The following CCDC39 variants were observed in gnomAD, a reference collection of about 807,000 sequenced individuals.
The protein encoded by CCDC39 is coiled-coil domain 39 molecular ruler complex subunit.
In CCDC39, 113 loss-of-function variants were observed where a neutral mutation model predicts 121.0. That is an observed-to-expected ratio of 0.93 (90% CI 0.80 to 1.09). The LOEUF (loss-of-function observed/expected upper bound fraction) is 1.09. Ranked by LOEUF, CCDC39 falls within the 50% of genes least tolerant of loss-of-function variation. CCDC39 has a pLI of 0.00. For missense variants in CCDC39, 1,063 were observed against 1,074.7 expected (o/e 0.99, Z 0.15); for synonymous variants, 349 against 352.2 (o/e 0.99, Z 0.10).
rs2292896 is a variant in CCDC39 at position 180,679,186 on chromosome 3, G to A, written c.90+105C>T. On this transcript the variant is annotated intron_variant, in intron 1 of 19. Transcript: ENST00000476379. The surrounding 1 kb of genome is among the most constrained non-coding windows in gnomAD (Gnocchi z 4.0). ...CGGGGGAGTGTTAGAGGAAGCACAG[G>A]ATTAGGAAAGGAGAGAAATAAAAGG... 171,762 of 851,378 alleles carry A rather than the reference G, an allele frequency of 0.2. 18,908 individuals carry two copies. The highest frequency in any genetic ancestry group is 0.38 in the East Asian group (15,721 of 41,402). The allele number at this position is 851,378 out of a possible 1,614,324, so 52.7% of individuals were successfully genotyped here. A position where few individuals can be genotyped will look rare whatever the true frequency, so the allele number is the denominator to read the frequency against.
intron 1 of CCDC39, among the ~76,000 whole-genome samples, chr3:180,672,173 T>C (rs1357481892): frequency 2.0e-5 from 3 of 152,136 alleles, no homozygotes; most frequent in Non-Finnish European, 2.9e-5. Context: ...AGAATTGTGC[T>C]AAATCTACTC....
chr3:180,670,259 G>A (rs114284964), intron 1 of CCDC39, among the ~76,000 whole-genome samples: 4,677 of 151,994 alleles, frequency 0.031, 104 homozygotes, highest in Non-Finnish European at 0.048. Flanking sequence ...TTTTAAGGAT[G>A]TGTACAAGTA....
chr3:180,623,745 C>T (rs899937446), intron 14 of CCDC39, among the ~76,000 whole-genome samples: 3 of 151,996 alleles, frequency 2.0e-5, no homozygotes, highest in African/African-American at 7.2e-5. Flanking sequence ...TGTTTAATTT[C>T]CATATATCTG....
At chr3:180,630,214 G>A (rs1409970549) in intron 14 of CCDC39, among the ~76,000 whole-genome samples, 2 of 152,004 alleles carry the variant, frequency 1.3e-5, no homozygotes, top group Middle Eastern at 3.2e-3. Context: ...AACATCTTCC[G>A]ATTTCCCAAT....
rs189097577 is a variant in CCDC39, at chr3:180,614,080, G to A, written c.*841C>T. On this transcript the variant is annotated 3_prime_UTR_variant, in exon 20 of 20. Transcript: ENST00000476379. Reference sequence around the variant, plus strand: ...CTCTATTCCAAGAGTACAAAGTGTTGGGCACATGTTATAATGAAGTGTTAA... The same window carrying A: ...CTCTATTCCAAGAGTACAAAGTGTTAGGCACATGTTATAATGAAGTGTTAA... 285 of 237,446 alleles carry A rather than the reference G, an allele frequency of 1.2e-3. No individual in the cohort carries two copies. The highest frequency in any genetic ancestry group is 1.5e-3 in the Non-Finnish European group (179 of 117,578). 14.7% of individuals were successfully genotyped at this position (237,446 alleles called of 1,614,324 possible). A position where few individuals can be genotyped will look rare whatever the true frequency, so the allele number is the denominator to read the frequency against.
rs368390230 is a variant in CCDC39, at chr3:180,652,127, A to G, written c.1034+36T>C. On this transcript the variant is annotated intron_variant, in intron 8 of 19. Coordinates refer to ENST00000476379, the MANE Select transcript of CCDC39 (RefSeq NM_181426.2). ...AATAATTTTCTAGATATAGTAAAAA[A>G]TAATCATAAACATATTTAGATAGTT... is the stretch of plus-strand genomic sequence containing the variant. 9.9e-5 allele frequency: 110 copies of G among 1,114,422 alleles called. 2 individuals carry two copies. The African/African-American group carries it at 1.7e-3, about 17-fold the overall frequency. 69.0% of individuals were successfully genotyped at this position (1,114,422 alleles called of 1,614,324 possible). A position where few individuals can be genotyped will look rare whatever the true frequency, so the allele number is the denominator to read the frequency against.
At chr3:180,620,755 A>G (rs1331944103) in intron 14 of CCDC39, among the ~76,000 whole-genome samples, 12 of 152,138 alleles carry the variant, frequency 7.9e-5, no homozygotes. Context: ...AATTAGAAAT[A>G]TAAATTTTTT....
chr3:180,652,524 T>C (rs1487118603), intron 7 of CCDC39, among the ~76,000 whole-genome samples: 1 of 152,112 alleles, frequency 6.6e-6, no homozygotes, highest in Non-Finnish European at 1.5e-5. Flanking sequence ...ATGTCTAATA[T>C]CACTAGACCT....
At chr3:180,673,991 G>A (rs945372096) in intron 1 of CCDC39, among the ~76,000 whole-genome samples, 11 of 151,992 alleles carry the variant, frequency 7.2e-5, no homozygotes, top group Non-Finnish European at 1.2e-4. Flanking sequence ...AAATTTTAAA[G>A]TAGTTTTTTC....
intron 16 of CCDC39, among the ~76,000 whole-genome samples, chr3:180,618,738 C>A (rs1469511119): frequency 6.6e-6 from 1 of 152,096 alleles, no homozygotes; most frequent in African/African-American, 2.4e-5. Flanking sequence ...GATATGAACT[C>A]ATCCTTTTTT....
At chr3:180,624,951 C>A (rs1176100050) in intron 14 of CCDC39, among the ~76,000 whole-genome samples, 1 of 152,020 alleles carries the variant, frequency 6.6e-6, no homozygotes, top group Non-Finnish European at 1.5e-5. Context: ...TTTAACTTTT[C>A]TCTTGCAGTT....
At chr3:180,663,553 C>G (rs953783990) in intron 2 of CCDC39, among the ~76,000 whole-genome samples, 4 of 151,538 alleles carry the variant, frequency 2.6e-5, no homozygotes, top group African/African-American at 9.7e-5. Context: ...GCCTATAATC[C>G]CAGCTACTCG....
At chr3:180,647,563 G>A (rs927235495) in intron 10 of CCDC39, among the ~76,000 whole-genome samples, 1 of 151,980 alleles carries the variant, frequency 6.6e-6, no homozygotes, top group South Asian at 2.1e-4. Context: ...GATTTCTGAG[G>A]GCACATTATC....
intron 14 of CCDC39, among the ~76,000 whole-genome samples, chr3:180,627,346 A>G (rs966826180): frequency 6.6e-6 from 1 of 152,228 alleles, no homozygotes; most frequent in Admixed American, 6.5e-5. Context: ...CATCTGAAAT[A>G]TAAAAGAATA....
At chr3:180,654,221 CAAA>C (rs76424115) in intron 7 of CCDC39, among the ~76,000 whole-genome samples, 4 of 44,918 alleles carry the variant, frequency 8.9e-5, no homozygotes, top group African/African-American at 2.4e-4. Context: ...TAGCCACACG[CAAA>C]AAAAAAAAAA....
intron 7 of CCDC39, 65 bp downstream of exon 7, chr3:180,654,697 C>T: frequency 1.0e-6 from 1 of 968,442 alleles, no homozygotes; most frequent in East Asian, 3.3e-5. Context: ...AAGCTTTATG[C>T]TTATTTTATA....
intron 14 of CCDC39, among the ~76,000 whole-genome samples, chr3:180,624,310 A>G (rs1392164658): frequency 6.6e-6 from 1 of 152,068 alleles, no homozygotes; most frequent in African/African-American, 2.4e-5. Flanking sequence ...GTCTTTTCCA[A>G]TAAGGTGAGT....
At chr3:180,642,467 A>C (rs548319863) in intron 12 of CCDC39, among the ~76,000 whole-genome samples, 1 of 152,116 alleles carries the variant, frequency 6.6e-6, no homozygotes, top group Non-Finnish European at 1.5e-5. Context: ...GTTATTCCTG[A>C]AGTTAAACTT....
rs1038684126 is a variant in CCDC39, at chr3:180,651,898, C to G, written c.1034+265G>C. Among the ~76,000 whole-genome samples, 5 of 152,052 alleles carry G rather than the reference C, an allele frequency of 3.3e-5. 1 individual carries two copies. Among genetic ancestry groups the G allele is most frequent in the South Asian group, 4.2e-4 (2 of 4,804 alleles). On this transcript the variant is annotated intron_variant, in intron 8 of 19. Coordinates refer to ENST00000476379, the MANE Select transcript of CCDC39 (RefSeq NM_181426.2). ...TAAAAATACAAAAAATTAGCTGGGC[C>G]TGCTGGCGGGCACCTGTAGTCCCAG...
Sources: gnomAD v4.1 joint callset for allele counts (sites outside exome capture counted in the v4.1 genomes callset) on GRCh38, gnomAD v4.1.1 for gene constraint, Gnocchi (gnomAD v3.1) non-coding constraint, MANE v1.5 for transcripts, NCBI Gene and HGNC (gene_info 2026-07-23, HGNC 2026-07-21) for gene names.